SLC9A9: variants seen among roughly 807,000 people sequenced by gnomAD.
SLC9A9 encodes the protein sodium/hydrogen exchanger 9.
SLC9A9 carries 62 observed loss-of-function variants against 77.8 expected under a neutral mutation model. That is an observed-to-expected ratio of 0.80 (90% CI 0.65 to 0.98). The LOEUF (loss-of-function observed/expected upper bound fraction) is 0.98. Among genes scored for constraint, SLC9A9 ranks in the 50% least tolerant of loss-of-function variants. The pLI is 0.00. For missense variants in SLC9A9, 775 were observed against 774.9 expected, an observed-to-expected ratio of 1.00 and a Z score of 0.00; for synonymous variants, 320 against 283.5, an observed-to-expected ratio of 1.13 and a Z score of -1.29.
intron 12 of SLC9A9, among the ~76,000 whole-genome samples, chr3:143,422,652 A>T (rs1364303942): frequency 6.6e-6 from 1 of 152,230 alleles, no homozygotes; most frequent in Non-Finnish European, 1.5e-5. Flanking sequence ...TCCTATGCTC[A>T]TAACTTGGAT....
intron 12 of SLC9A9, among the ~76,000 whole-genome samples, chr3:143,391,490 A>C (rs2033564383): frequency 6.6e-6 from 1 of 152,242 alleles, no homozygotes; most frequent in Non-Finnish European, 1.5e-5. Flanking sequence ...ACAAAACCAC[A>C]AAGATGGGGA....
chr3:143,398,460 T>C (rs1245820195), intron 12 of SLC9A9, among the ~76,000 whole-genome samples: 4 of 150,798 alleles, frequency 2.7e-5, no homozygotes, highest in Non-Finnish European at 4.4e-5. Flanking sequence ...ATTATCATAG[T>C]AACAGCCAAT....
chr3:143,637,359 T>C (rs2038540575), intron 6 of SLC9A9, among the ~76,000 whole-genome samples: 1 of 152,180 alleles, frequency 6.6e-6, no homozygotes, highest in Non-Finnish European at 1.5e-5. Context: ...GCTTTAACAA[T>C]AGATTAGACA....
intron 13 of SLC9A9, among the ~76,000 whole-genome samples, chr3:143,376,469 T>C (rs542513390): frequency 5.9e-5 from 9 of 152,336 alleles, no homozygotes; most frequent in African/African-American, 1.2e-4. Flanking sequence ...GGGAGTGATA[T>C]AGGTATCTTG....
chr3:143,278,979 T>C (rs1232113224), intron 14 of SLC9A9, among the ~76,000 whole-genome samples: 2 of 133,844 alleles, frequency 1.5e-5, no homozygotes, highest in East Asian at 1.9e-4. Flanking sequence ...AGTGGCCTCA[T>C]ACAGGAGAAG....
intron 6 of SLC9A9, among the ~76,000 whole-genome samples, chr3:143,606,640 C>T (rs528824349): frequency 6.7e-6 from 1 of 149,626 alleles, no homozygotes; most frequent in African/African-American, 2.4e-5. Context: ...GGACTCTAGA[C>T]AATTTGAAAA....
At chr3:143,453,205 G>A (rs78071563) in intron 12 of SLC9A9, among the ~76,000 whole-genome samples, 3,183 of 152,068 alleles carry the variant, frequency 0.021, 70 homozygotes, top group Middle Eastern at 0.041. Context: ...ACACTAGAAA[G>A]GTGACAGAAG....
intron 14 of SLC9A9, among the ~76,000 whole-genome samples, chr3:143,301,530 C>G (rs2030513689): frequency 6.6e-6 from 1 of 152,102 alleles, no homozygotes; most frequent in Non-Finnish European, 1.5e-5. Flanking sequence ...CTTCAGTAGG[C>G]AAGAGTAGAA....
chr3:143,337,223 T>C (rs1376779307), intron 14 of SLC9A9, among the ~76,000 whole-genome samples: 3 of 152,142 alleles, frequency 2.0e-5, no homozygotes, highest in Non-Finnish European at 4.4e-5. Flanking sequence ...CTCCCTTGAA[T>C]TGAATTTTCA....
intron 1 of SLC9A9, among the ~76,000 whole-genome samples, chr3:143,837,778 G>A (rs2009606235): frequency 6.6e-6 from 1 of 152,152 alleles, no homozygotes; most frequent in African/African-American, 2.4e-5. Flanking sequence ...AAGGGAATTT[G>A]CTAGGGAGCT....
In SLC9A9 at chr3:143,749,528, A is replaced by G. The variant is rs181277971; in HGVS notation, c.533+45473T>C. On this transcript the variant is annotated intron_variant, in intron 4 of 15. Coordinates refer to ENST00000316549, the MANE Select transcript of SLC9A9 (RefSeq NM_173653.4). ...TTACGCATTCCACTTTATAAGGACT[A>G]ACGCTGAATGCTTTTTAAATACAAA... 3.4e-4 allele frequency among the ~76,000 whole-genome samples: 52 copies of G among 152,354 alleles called. 1 individual carries two copies. In the East Asian group the frequency reaches 9.1e-3, roughly 27 times the overall value.
At chr3:143,591,622 T>C (rs1385196765) in intron 6 of SLC9A9, among the ~76,000 whole-genome samples, 3 of 152,236 alleles carry the variant, frequency 2.0e-5, no homozygotes, top group South Asian at 2.1e-4. Flanking sequence ...AAGCAATTAA[T>C]AGACCTGTCT....
At chr3:143,556,331 G>A (rs937429572) in intron 8 of SLC9A9, among the ~76,000 whole-genome samples, 1 of 152,182 alleles carries the variant, frequency 6.6e-6, no homozygotes, top group Non-Finnish European at 1.5e-5. Flanking sequence ...CCAAACCCAC[G>A]TATCTTTACT....
intron 6 of SLC9A9, among the ~76,000 whole-genome samples, chr3:143,597,742 T>C (rs1253004585): frequency 1.3e-5 from 2 of 152,238 alleles, no homozygotes; most frequent in East Asian, 3.8e-4. Context: ...AAATTAAAGC[T>C]TACTTTTAAA....
intron 3 of SLC9A9, among the ~76,000 whole-genome samples, chr3:143,795,379 G>A (rs139034699): frequency 6.6e-6 from 1 of 151,940 alleles, no homozygotes; most frequent in South Asian, 2.1e-4. Context: ...GCAAGGAACT[G>A]GGCAATGTCT....
chr3:143,844,765 C>CTT (rs1339689819), intron 1 of SLC9A9, among the ~76,000 whole-genome samples: 1 of 147,132 alleles, frequency 6.8e-6, no homozygotes, highest in African/African-American at 2.5e-5. Context: ...TTCTTTCTTT[C>CTT]TTTCTTTCTT....
chr3:143,408,677 T>G (rs1231085908), intron 12 of SLC9A9, among the ~76,000 whole-genome samples: 1 of 152,206 alleles, frequency 6.6e-6, no homozygotes, highest in Admixed American at 6.5e-5. Context: ...ATCCCCTTCT[T>G]TGGAACATTA....
At chr3:143,538,646 T>G (rs1175449079) in intron 9 of SLC9A9, among the ~76,000 whole-genome samples, 1 of 152,218 alleles carries the variant, frequency 6.6e-6, no homozygotes, top group Non-Finnish European at 1.5e-5. Flanking sequence ...GTGCTAGCTC[T>G]GATCTCTGTG....
chr3:143,819,042 G>A (rs550410830), intron 2 of SLC9A9, among the ~76,000 whole-genome samples: 4 of 152,158 alleles, frequency 2.6e-5, no homozygotes, highest in African/African-American at 7.2e-5. Flanking sequence ...AGATCGCACC[G>A]TTGCACTCCA....
Sources: gnomAD v4.1 joint callset for allele counts (sites outside exome capture counted in the v4.1 genomes callset) on GRCh38, gnomAD v4.1.1 for gene constraint, MANE v1.5 for transcripts, NCBI Gene and HGNC (gene_info 2026-07-23, HGNC 2026-07-21) for gene names.